CLCN6: variants seen among roughly 807,000 people sequenced by gnomAD.
The protein encoded by CLCN6 is H(+)/Cl(-) exchange transporter 6.
In CLCN6, 70 loss-of-function variants were observed where a neutral mutation model predicts 109.8. That is an observed-to-expected ratio of 0.64 (90% CI 0.53 to 0.78). The LOEUF (loss-of-function observed/expected upper bound fraction) is 0.78. Ranked by LOEUF, CLCN6 falls within the 30% of genes least tolerant of loss-of-function variation. CLCN6 has a pLI of 0.00. For synonymous variants in CLCN6, 444 were observed against 447.8 expected (o/e 0.99, Z 0.11); for missense variants, 984 against 1,142.3 (o/e 0.86, Z 2.00).
At chr1:11,810,014 G>T (rs1285179112) in intron 2 of CLCN6, among the ~76,000 whole-genome samples, 2 of 152,180 alleles carry the variant, frequency 1.3e-5, no homozygotes, top group African/African-American at 2.4e-5. Flanking sequence ...TTTAAAACAC[G>T]TGTTAAAAGC....
chr1:11,834,430 A>G lies in CLCN6; in HGVS notation c.1686+35A>G, dbSNP rs754000732. 3 of 1,612,470 alleles carry G rather than the reference A, an allele frequency of 1.9e-6. No homozygotes were observed. Among genetic ancestry groups the G allele is most frequent in the Non-Finnish European group, 2.5e-6 (3 of 1,178,650 alleles). ...CTCCCTCCAGGCCCCTGTCAGGCTC[A>G]GGGCCACGTCCGCCCCACAGGACCT... On this transcript the variant is annotated intron_variant, in intron 16 of 22. Transcript: ENST00000346436. This position sits in a 1 kb window ranked among gnomAD's most constrained non-coding sequence, Gnocchi z 4.5.
chr1:11,808,227 T>TTGTGTGTGTG (rs3073085), intron 2 of CLCN6, among the ~76,000 whole-genome samples: 104 of 139,250 alleles, frequency 7.5e-4, no homozygotes, highest in Middle Eastern at 6.9e-3. Context: ...GTGTGTGTGT[T>TTGTGTGTGTG]TGTGTGTGTG....
intron 17 of CLCN6, among the ~76,000 whole-genome samples, chr1:11,835,443 TAA>T (rs1363443336): frequency 1.3e-5 from 2 of 152,156 alleles, no homozygotes; most frequent in African/African-American, 4.8e-5. Flanking sequence ...GGCTAATTTT[TAA>T]CATTTTTTTT....
intron 8 of CLCN6, among the ~76,000 whole-genome samples, chr1:11,825,592 G>T (rs765917217): frequency 1.1e-4 from 16 of 152,190 alleles, no homozygotes; most frequent in Non-Finnish European, 1.0e-4. Flanking sequence ...TCCTCCCAAG[G>T]GTGGGGGGTA....
At chr1:11,827,994 A>G in intron 10 of CLCN6, 112 bp from the exon 11 acceptor site, 2 of 769,300 alleles carry the variant, frequency 2.6e-6, no homozygotes, top group Non-Finnish European at 4.6e-6. Context: ...CTGTACCCGG[A>G]TGTAGATTCC....
chr1:11,825,104 G>A (rs1012432326), intron 8 of CLCN6, among the ~76,000 whole-genome samples: 7 of 152,142 alleles, frequency 4.6e-5, no homozygotes, highest in Non-Finnish European at 1.0e-4. Context: ...GTACTAGCTC[G>A]AGACCTCAAA....
chr1:11,837,307 G>A, intron 19 of CLCN6, 36 bp from the exon 20 acceptor site: 5 of 1,599,004 alleles, frequency 3.1e-6, no homozygotes, highest in Non-Finnish European at 4.3e-6. Flanking sequence ...CTCCCGCTGA[G>A]GGTATCCCAG....
chr1:11,832,222 A>G (rs1354290308), intron 13 of CLCN6, among the ~76,000 whole-genome samples: 1 of 152,244 alleles, frequency 6.6e-6, no homozygotes, highest in Admixed American at 6.5e-5. Context: ...TTACCATTTT[A>G]TAGGTGAGGA....
chr1:11,831,407 G>A (rs1035303191), intron 13 of CLCN6, among the ~76,000 whole-genome samples: 6 of 151,680 alleles, frequency 4.0e-5, no homozygotes, highest in African/African-American at 1.2e-4. Context: ...CGCCCACCTC[G>A]GCCTCCCAAA....
chr1:11,836,037 G>A lies in CLCN6; in HGVS notation c.1864G>A (p.Val622Met). Residue 622 changes from valine to methionine, a missense_variant, in exon 18 of 23, where the codon GTG becomes ATG. Val to Met is a conservative substitution (Grantham distance 21). Coordinates refer to ENST00000346436, the MANE Select transcript of CLCN6 (RefSeq NM_001286.5). ...VYPHTRIQSL[V>M]SILRTTVHHA... ...CCCGCACACCCGCATCCAGTCTCTG[G>A]TGAGCATCCTGCGCACCACGGTCCA... 6.2e-7 allele frequency: 1 copy of A among 1,613,990 alleles called. No individual in the cohort carries two copies. The highest frequency in any genetic ancestry group is 8.5e-7 in the Non-Finnish European group (1 of 1,179,996).
Position 11,829,252 on chromosome 1 carries a change from C to T in CLCN6, c.1178C>T (p.Ser393Leu), listed in dbSNP as rs765418358. ...LVTTVVVFVA[S>L]MVLGECRQMS... ...ACCACCGTGGTGGTGTTTGTGGCCT[C>T]GATGGTGTTAGGAGAATGCCGACAG... The change falls in exon 13 of 23, where the codon TCG (serine) becomes TTG (leucine). Residue 393 changes from serine (S) to leucine (L), a missense_variant. Physicochemically the swap from Ser to Leu is moderately radical, Grantham distance 145 (BLOSUM62 -2). Coordinates refer to ENST00000346436, the MANE Select transcript of CLCN6 (RefSeq NM_001286.5). 83 of 1,613,972 alleles carry T rather than the reference C, an allele frequency of 5.1e-5. No homozygotes were observed. The highest frequency in any genetic ancestry group is 9.9e-5 in the South Asian group (9 of 91,088).
chr1:11,824,871 T>A lies in CLCN6; in HGVS notation c.648+318T>A, dbSNP rs1393415735. ...GTGGCTGGGTGGATCATCTCAGTGC[T>A]GCCAGATCCAAGAGGCTCGAAGCAT... On this transcript the variant is annotated intron_variant, in intron 8 of 22. Transcript: ENST00000346436. Among the ~76,000 whole-genome samples, 3 of 152,188 alleles carry A rather than the reference T, an allele frequency of 2.0e-5. No individual in the cohort carries two copies. In the East Asian group the frequency reaches 5.8e-4, roughly 29 times the overall value.
chr1:11,807,726 C>A (rs1644538234), intron 2 of CLCN6, among the ~76,000 whole-genome samples: 1 of 152,158 alleles, frequency 6.6e-6, no homozygotes, highest in Non-Finnish European at 1.5e-5. Context: ...TCATTAAATT[C>A]TTAAACGTAA....
In CLCN6 at chr1:11,815,485, TC is replaced by T. The variant is rs562261455; in HGVS notation, c.148-358del. ...ATCTCGGCTCACCACAACCTCCACCTCCCAGGTTCCAGTGATTCTCCTGCCT... is the reference window on the plus strand; with the variant it reads ...ATCTCGGCTCACCACAACCTCCACCTCCAGGTTCCAGTGATTCTCCTGCCT... On this transcript the variant is annotated intron_variant, in intron 2 of 22. Transcript: ENST00000346436. Among the ~76,000 whole-genome samples, 3 of 152,240 alleles carry T rather than the reference TC, an allele frequency of 2.0e-5. No homozygotes were observed. The South Asian group carries it at 6.2e-4, about 32-fold the overall frequency.
chr1:11,819,760 T>C (rs1427217302), intron 5 of CLCN6, among the ~76,000 whole-genome samples: 1 of 152,230 alleles, frequency 6.6e-6, no homozygotes, highest in African/African-American at 2.4e-5. Context: ...GTTGATAAGA[T>C]TACAGATGCC....
rs1570532790 is a variant in CLCN6, at chr1:11,828,642, T to C, written c.1121+18T>C. The C allele has an allele frequency of 6.3e-7, 1 of 1,576,040 alleles. No homozygotes were observed. Among genetic ancestry groups the C allele is most frequent in the Non-Finnish European group, 8.6e-7 (1 of 1,160,450 alleles). ...CTCGTCAGGTATCTGCACAGTCGCCTCCCCCCCGAGCCTGCTGCGGCTCCC... is the reference window on the plus strand; with the variant it reads ...CTCGTCAGGTATCTGCACAGTCGCCCCCCCCCCGAGCCTGCTGCGGCTCCC... On this transcript the variant is annotated intron_variant, in intron 12 of 22. Transcript: ENST00000346436.
intron 20 of CLCN6, 70 bp downstream of exon 20, chr1:11,837,569 C>G: frequency 2.0e-6 from 3 of 1,508,708 alleles, no homozygotes; most frequent in Non-Finnish European, 2.7e-6. Context: ...GCGCTGCCGG[C>G]GGGCCGTGAA....
Position 11,827,315 on chromosome 1 carries a change from C to CT in CLCN6, c.840+95dup, listed in dbSNP as rs1476203046. The CT allele has an allele frequency of 1.0e-5, 12 of 1,196,908 alleles. No individual in the cohort carries two copies. In the Admixed American group the frequency reaches 2.4e-4, roughly 24 times the overall value. The allele number at this position is 1,196,908 out of a possible 1,614,324, so 74.1% of individuals were successfully genotyped here. The stretch of plus-strand genomic sequence containing the variant: ...ACATGGAATGGTAGTTTTGATGAGA[C>CT]TGGGGGGTCAACTGGATCAGAAACA... On this transcript the variant is annotated intron_variant, in intron 10 of 22. Transcript: ENST00000346436.
chr1:11,814,535 A>G (rs1644643680), intron 2 of CLCN6, among the ~76,000 whole-genome samples: 1 of 151,910 alleles, frequency 6.6e-6, no homozygotes, highest in Non-Finnish European at 1.5e-5. Flanking sequence ...GGTGTGAGCC[A>G]CTGCACCCAG....
Sources: gnomAD v4.1 joint callset for allele counts (sites outside exome capture counted in the v4.1 genomes callset) on GRCh38, gnomAD v4.1.1 for gene constraint, Gnocchi (gnomAD v3.1) non-coding constraint, MANE v1.5 for transcripts, NCBI Gene and HGNC (gene_info 2026-07-23, HGNC 2026-07-21) for gene names.